C8orf34: variants seen among roughly 807,000 people sequenced by gnomAD.
The protein encoded by C8orf34 is uncharacterized protein C8orf34.
In C8orf34, 65 loss-of-function variants were observed where a neutral mutation model predicts 68.3. The observed-to-expected ratio is 0.95, with a 90% CI of 0.78 to 1.17. The LOEUF (loss-of-function observed/expected upper bound fraction) is 1.17, where lower values mean the gene tolerates loss of function less well. Among genes scored for constraint, C8orf34 ranks in the 50% most tolerant of loss-of-function variants. The pLI is 0.00. For synonymous variants in C8orf34, 244 were observed against 241.2 expected, an observed-to-expected ratio of 1.01 and a Z score of -0.11; for missense variants, 664 against 655.4, an observed-to-expected ratio of 1.01 and a Z score of -0.14.
intron 3 of C8orf34, among the ~76,000 whole-genome samples, chr8:68,468,283 A>G (rs1338298933): frequency 2.0e-5 from 3 of 152,090 alleles, no homozygotes; most frequent in Non-Finnish European, 2.9e-5. Flanking sequence ...GGACATGAAG[A>G]TAAATACGTA....
At position 68,416,274 on chromosome 8, in the gene C8orf34, C is replaced by T. The variant is rs182780266; in HGVS notation, c.328-23225C>T. ...TCGTGGCAGCATCTGATCCCCTTCC[C>T]TGATTTATTTCTCTCCATAGGACTC... On this transcript the variant is annotated intron_variant, in intron 1 of 13. Coordinates refer to ENST00000518698, the MANE Select transcript of C8orf34 (RefSeq NM_052958.4). Among the ~76,000 whole-genome samples the T allele has an allele frequency of 3.1e-4, 47 of 152,230 alleles. 2 individuals carry two copies. In the East Asian group the frequency reaches 7.5e-3, roughly 24 times the overall value.
At chr8:68,505,333 T>G (rs1813961105) in intron 5 of C8orf34, among the ~76,000 whole-genome samples, 1 of 152,238 alleles carries the variant, frequency 6.6e-6, no homozygotes, top group South Asian at 2.1e-4. Context: ...ACTTGAATTT[T>G]GTATCATTCT....
At chr8:68,747,578 T>C (rs1019482150) in intron 10 of C8orf34, among the ~76,000 whole-genome samples, 4 of 151,320 alleles carry the variant, frequency 2.6e-5, no homozygotes, top group African/African-American at 4.9e-5. Flanking sequence ...ACAAGCATTC[T>C]TATACACCAA....
At chr8:68,388,761 G>A (rs948225946) in intron 1 of C8orf34, among the ~76,000 whole-genome samples, 1 of 152,100 alleles carries the variant, frequency 6.6e-6, no homozygotes, top group African/African-American at 2.4e-5. Context: ...TTATAGAGGG[G>A]TAAAATAACA....
intron 7 of C8orf34, among the ~76,000 whole-genome samples, chr8:68,627,729 A>G (rs895135324): frequency 2.6e-5 from 4 of 152,190 alleles, no homozygotes; most frequent in Non-Finnish European, 5.9e-5. Flanking sequence ...TTTTTCTAAC[A>G]GAAGAGCCTT....
intron 7 of C8orf34, among the ~76,000 whole-genome samples, chr8:68,596,440 G>A (rs533202461): frequency 1.3e-5 from 2 of 152,228 alleles, no homozygotes; most frequent in South Asian, 4.1e-4. Flanking sequence ...ACTATGAACA[G>A]TATGAGATTT....
At chr8:68,643,844 C>T (rs1006150760) in intron 8 of C8orf34, among the ~76,000 whole-genome samples, 1 of 152,172 alleles carries the variant, frequency 6.6e-6, no homozygotes, top group African/African-American at 2.4e-5. Context: ...TATCTATCTT[C>T]TCTTAAAAAT....
intron 10 of C8orf34, among the ~76,000 whole-genome samples, chr8:68,746,934 A>T (rs1365831669): frequency 1.3e-5 from 2 of 151,888 alleles, no homozygotes; most frequent in Non-Finnish European, 2.9e-5. Context: ...ACAACCAAAA[A>T]AGAGAATTTT....
intron 10 of C8orf34, among the ~76,000 whole-genome samples, chr8:68,749,582 C>G (rs1160815254): frequency 6.6e-6 from 1 of 152,060 alleles, no homozygotes; most frequent in Admixed American, 6.6e-5. Flanking sequence ...TTCCTCATGC[C>G]TATTTATAGT....
At chr8:68,706,529 G>A (rs1248882928) in intron 8 of C8orf34, among the ~76,000 whole-genome samples, 3 of 152,158 alleles carry the variant, frequency 2.0e-5, no homozygotes, top group South Asian at 4.1e-4. Flanking sequence ...TGCGTAGAAA[G>A]TGTTAAGGAG....
chr8:68,378,508 G>A (rs901014558), intron 1 of C8orf34, among the ~76,000 whole-genome samples: 3 of 151,962 alleles, frequency 2.0e-5, no homozygotes, highest in African/African-American at 7.2e-5. Flanking sequence ...GGCTTGTCTC[G>A]AACTCCTGGG....
At chr8:68,656,981 A>AC (rs1432600779) in intron 8 of C8orf34, among the ~76,000 whole-genome samples, 1 of 152,172 alleles carries the variant, frequency 6.6e-6, no homozygotes, top group Non-Finnish European at 1.5e-5. Context: ...GAGAATACAC[A>AC]TATAGTGATA....
At position 68,754,903 on chromosome 8, in the gene C8orf34, T is replaced by A. The variant is rs536419334; in HGVS notation, c.1405-21496T>A. Among the ~76,000 whole-genome samples the A allele has an allele frequency of 7.2e-5, 11 of 151,964 alleles. 1 individual carries two copies. In the South Asian group the frequency reaches 2.3e-3, roughly 32 times the overall value. ...TAAACATAGGATAGACACATTGGAA[T>A]TTTTTTTAGTGGCCATGTAACCTTT... On this transcript the variant is annotated intron_variant, in intron 10 of 13. Transcript: ENST00000518698.
chr8:68,554,979 A>T (rs1274200633), intron 7 of C8orf34, among the ~76,000 whole-genome samples: 1 of 152,092 alleles, frequency 6.6e-6, no homozygotes. Flanking sequence ...CTCTGTTTAC[A>T]TTTATTGTGG....
chr8:68,384,496 T>G (rs1808173911), intron 1 of C8orf34, among the ~76,000 whole-genome samples: 1 of 152,182 alleles, frequency 6.6e-6, no homozygotes. Flanking sequence ...AAGACAAGAT[T>G]AATTGGTTAA....
At chr8:68,725,773 C>T (rs1227075605) in intron 10 of C8orf34, among the ~76,000 whole-genome samples, 8 of 152,140 alleles carry the variant, frequency 5.3e-5, no homozygotes, top group African/African-American at 1.9e-4. Context: ...TTTCATAGAA[C>T]TTGTTGGGAT....
At chr8:68,649,185 T>C (rs1819270103) in intron 8 of C8orf34, among the ~76,000 whole-genome samples, 1 of 152,152 alleles carries the variant, frequency 6.6e-6, no homozygotes, top group Admixed American at 6.5e-5. Flanking sequence ...GGCCTAGAGG[T>C]GTAAAAGATT....
intron 3 of C8orf34, among the ~76,000 whole-genome samples, chr8:68,459,028 A>G (rs1281094134): frequency 6.6e-6 from 1 of 152,132 alleles, no homozygotes; most frequent in Non-Finnish European, 1.5e-5. Context: ...GTGTCTTTGT[A>G]TATTCTTTCC....
rs1822506966 is a variant in C8orf34, at chr8:68,746,667, T to C, written c.1404+25230T>C. On this transcript the variant is annotated intron_variant, in intron 10 of 13. Transcript: ENST00000518698. ...GATAAATTCCTCGACACATACACCC[T>C]CCCAAGACTAAACCAGGAAGAAGTT... 4.7e-5 allele frequency among the ~76,000 whole-genome samples: 7 copies of C among 148,772 alleles called. No individual in the cohort carries two copies. In the South Asian group the frequency reaches 1.5e-3, roughly 32 times the overall value.
Sources: allele counts gnomAD v4.1 joint callset (sites outside exome capture counted in the v4.1 genomes callset), GRCh38; gene constraint gnomAD v4.1.1; transcripts MANE v1.5; gene names NCBI Gene and HGNC (gene_info 2026-07-23, HGNC 2026-07-21).